Variants in CEP41 observed in about 807,000 individuals in gnomAD.
The protein encoded by CEP41 is centrosomal protein of 41 kDa.
In CEP41, 32 loss-of-function variants were observed where a neutral mutation model predicts 44.3. The observed-to-expected ratio is 0.72, with a 90% CI of 0.54 to 0.97. The LOEUF is 0.97. CEP41 is among the 50% of genes least tolerant of loss of function. The pLI, the probability that CEP41 is intolerant of heterozygous loss-of-function variation, is 0.00. For synonymous variants in CEP41, 151 were observed against 168.5 expected, an observed-to-expected ratio of 0.90 and a Z score of 0.80; for missense variants, 432 against 455.2, an observed-to-expected ratio of 0.95 and a Z score of 0.46.
intron 7 of CEP41, 22 bp from the exon 8 acceptor site, chr7:130,401,970 T>G: frequency 6.4e-7 from 1 of 1,567,078 alleles, no homozygotes; most frequent in Non-Finnish European, 8.8e-7. Context: ...AGAAAAAGTT[T>G]AGGAAGTCTG....
In CEP41 at chr7:130,418,291, C is replaced by A. The variant is rs182432900; in HGVS notation, c.98-1325G>T. ...GGCCCAAATATCACCAAGATTAGAA[C>A]CAAATACAGTCTTTCCTAGGTTCTT... On this transcript the variant is annotated intron_variant, in intron 2 of 10. Transcript: ENST00000223208. Among the ~76,000 whole-genome samples the A allele has an allele frequency of 1.6e-3, 236 of 152,228 alleles. 3 individuals are homozygous for A. The highest frequency in any genetic ancestry group is 8.8e-5 in the Non-Finnish European group (6 of 68,008).
At chr7:130,409,570 T>G (rs782466225) in intron 5 of CEP41, among the ~76,000 whole-genome samples, 2 of 152,182 alleles carry the variant, frequency 1.3e-5, no homozygotes, top group Non-Finnish European at 2.9e-5. Flanking sequence ...GACAGTTGAG[T>G]TGCACAAACC....
At position 130,400,900 on chromosome 7, in the gene CEP41, G is replaced by T. The variant is rs1433094332; in HGVS notation, c.643-79C>A. On this transcript the variant is annotated intron_variant, in intron 8 of 10. Coordinates refer to ENST00000223208, the MANE Select transcript of CEP41 (RefSeq NM_018718.3). Reference sequence around the variant, plus strand: ...ACGAGAAACCCCCAAGGAATAAAAGGTCAGGTCCACCTGTCTGAGTTCCCG... The same window carrying T: ...ACGAGAAACCCCCAAGGAATAAAAGTTCAGGTCCACCTGTCTGAGTTCCCG... 1.5e-5 allele frequency: 14 copies of T among 934,014 alleles called. No individual in the cohort carries two copies. The Admixed American group carries it at 2.6e-4, about 17-fold the overall frequency. 57.9% of individuals were successfully genotyped at this position (934,014 alleles called of 1,614,324 possible).
At chr7:130,412,306 C>A in intron 3 of CEP41, 66 bp from the exon 4 acceptor site, 1 of 807,708 alleles carries the variant, frequency 1.2e-6, no homozygotes, top group South Asian at 1.4e-5. Context: ...TTCTAGTTGT[C>A]AAGTGACGTG....
In CEP41 at chr7:130,400,718, A is replaced by ACT. The variant is rs1562977288; in HGVS notation, c.745_746insAG (p.Met249LysfsTer7). The ACT allele has an allele frequency of 6.2e-7, 1 of 1,610,360 alleles. No homozygotes were observed. The highest frequency in any genetic ancestry group is 1.1e-5 in the South Asian group (1 of 90,582). Reference sequence around the variant, plus strand: ...ATCACCTTGCTCACCTCCGGAAAGCATGAAGAGGTTTTCAAATCCACGCTC... The same window carrying ACT: ...ATCACCTTGCTCACCTCCGGAAAGCACTTGAAGAGGTTTTCAAATCCACGCTC... On this transcript the variant is annotated frameshift_variant, in exon 9 of 11. Transcript: ENST00000223208. LOFTEE classifies it high-confidence loss of function.
At chr7:130,411,016 A>G (rs1797166277) in intron 5 of CEP41, 106 bp downstream of exon 5, 2 of 918,770 alleles carry the variant, frequency 2.2e-6, no homozygotes, top group Non-Finnish European at 3.7e-6. Context: ...ACAAATAGAT[A>G]CATCAAAGTC....
intron 1 of CEP41, 143 bp downstream of exon 1, chr7:130,440,791 G>A: frequency 5.2e-6 from 1 of 192,580 alleles, no homozygotes; most frequent in Non-Finnish European, 9.7e-6. Flanking sequence ...GGCCCGCCCC[G>A]CCCCTGCATC....
chr7:130,408,505 C>G (rs1222472887), intron 5 of CEP41, among the ~76,000 whole-genome samples: 1 of 152,170 alleles, frequency 6.6e-6, no homozygotes, highest in Non-Finnish European at 1.5e-5. Context: ...CATAATCTTA[C>G]TATCAAATAA....
At chr7:130,405,855 C>T (rs1796993028) in intron 5 of CEP41, among the ~76,000 whole-genome samples, 1 of 152,110 alleles carries the variant, frequency 6.6e-6, no homozygotes, top group Non-Finnish European at 1.5e-5. Flanking sequence ...ATATTTCTCC[C>T]TTTTCCACCT....
At chr7:130,423,735 T>C (rs1797577344) in intron 2 of CEP41, among the ~76,000 whole-genome samples, 1 of 152,174 alleles carries the variant, frequency 6.6e-6, no homozygotes, top group Non-Finnish European at 1.5e-5. Flanking sequence ...GATGAGTGGG[T>C]AAACAAAATG....
At chr7:130,437,762 CT>C (rs1798010923) in intron 1 of CEP41, among the ~76,000 whole-genome samples, 1 of 44,354 alleles carries the variant, frequency 2.3e-5, no homozygotes, top group Non-Finnish European at 4.1e-5. Flanking sequence ...GCAAGACTGT[CT>C]CAAAAAAAAA....
intron 2 of CEP41, chr7:130,422,128 T>G (rs1194730679): frequency 8.5e-7 from 1 of 1,174,286 alleles, no homozygotes; most frequent in Non-Finnish European, 1.2e-6. Flanking sequence ...AAAAATAATC[T>G]TTAACCAGGA....
At chr7:130,435,171 T>C (rs1584908827) in intron 1 of CEP41, among the ~76,000 whole-genome samples, 1 of 152,056 alleles carries the variant, frequency 6.6e-6, no homozygotes, top group African/African-American at 2.4e-5. Flanking sequence ...ATCACACACA[T>C]GTTCAAATGT....
chr7:130,398,847 T>C lies in CEP41; in HGVS notation c.*44A>G. ...CAACTTGGGAAATGCTCAGGGGTTC[T>C]GAAAAGAGGAAGAACATTTATTTGC... is the stretch of plus-strand genomic sequence containing the variant. On this transcript the variant is annotated 3_prime_UTR_variant, in exon 11 of 11. Coordinates refer to ENST00000223208, the MANE Select transcript of CEP41 (RefSeq NM_018718.3). 1 of 1,611,814 alleles carries C rather than the reference T, an allele frequency of 6.2e-7. No homozygotes were observed. The highest frequency in any genetic ancestry group is 8.5e-7 in the Non-Finnish European group (1 of 1,177,970).
intron 6 of CEP41, among the ~76,000 whole-genome samples, 157 bp from the exon 7 acceptor site, chr7:130,402,956 T>C (rs1796899167): frequency 6.6e-6 from 1 of 152,234 alleles, no homozygotes; most frequent in Non-Finnish European, 1.5e-5. Flanking sequence ...GTTCTGCCTC[T>C]GAATGCAGGA....
chr7:130,419,212 C>A, intron 2 of CEP41: 1 of 985,376 alleles, frequency 1.0e-6, no homozygotes, highest in Middle Eastern at 5.2e-4. Flanking sequence ...CAGACCAAAT[C>A]TGAGAGGACT....
chr7:130,426,286 T>C (rs1220521414), intron 2 of CEP41, among the ~76,000 whole-genome samples: 5 of 152,204 alleles, frequency 3.3e-5, no homozygotes. Flanking sequence ...ATTTAATATG[T>C]ATTGTAAAAA....
chr7:130,441,388 GT>G (rs1228346878), upstream of CEP41, among the ~76,000 whole-genome samples: 1 of 152,220 alleles, frequency 6.6e-6, no homozygotes, highest in East Asian at 1.9e-4. Context: ...CCCCAGCTCC[GT>G]TTTATGGCCG....
intron 1 of CEP41, among the ~76,000 whole-genome samples, chr7:130,437,596 C>CT (rs1798005139): frequency 1.4e-5 from 1 of 70,092 alleles, no homozygotes; most frequent in Non-Finnish European, 3.2e-5. Flanking sequence ...CATAGGGAGA[C>CT]CCCATCTCTA....
Sources: allele counts gnomAD v4.1 joint callset (sites outside exome capture counted in the v4.1 genomes callset), GRCh38; gene constraint gnomAD v4.1.1; transcripts MANE v1.5; gene names NCBI Gene and HGNC (gene_info 2026-07-23, HGNC 2026-07-21).